The following ETS2 variants were observed in gnomAD, a reference collection of about 807,000 sequenced individuals.
ETS2 encodes the protein ETS proto-oncogene 2, transcription factor, also known as protein C-ets-2.
Under a neutral mutation model 54.9 loss-of-function variants are expected in ETS2, and 19 were observed. The observed-to-expected ratio is 0.35, with a 90% CI of 0.24 to 0.51. ETS2 has a LOEUF of 0.51. ETS2 is among the 20% of genes least tolerant of loss of function. The pLI, the probability that ETS2 is intolerant of heterozygous loss-of-function variation, is 0.97. For missense variants in ETS2, 417 were observed against 593.0 expected (o/e 0.70, Z 3.08); for synonymous variants, 219 against 229.3 (o/e 0.95, Z 0.41).
At position 38,806,333 on chromosome 21, in the gene ETS2, G is replaced by A; in HGVS notation, c.-1+213G>A. ...TTTTCCGGTTATGGAGTGGCCTCCG[G>A]GGCTGGCGGGGTCGGCCGGGGGGTT... On this transcript the variant is annotated intron_variant, in intron 1 of 9. Transcript: ENST00000360938. This position sits in a 1 kb window ranked among gnomAD's most constrained non-coding sequence, Gnocchi z 4.3. 2 of 968,242 alleles carry A rather than the reference G, an allele frequency of 2.1e-6. No individual in the cohort carries two copies. Among genetic ancestry groups the A allele is most frequent in the Non-Finnish European group, 2.5e-6 (2 of 814,246 alleles). 60.0% of individuals were successfully genotyped at this position (968,242 alleles called of 1,614,324 possible). A position where few individuals can be genotyped will look rare whatever the true frequency, so the allele number is the denominator to read the frequency against.
chr21:38,815,767 C>T (rs531446022), intron 5 of ETS2, among the ~76,000 whole-genome samples: 24 of 151,000 alleles, frequency 1.6e-4, no homozygotes, highest in African/African-American at 5.4e-4. Context: ...CCTGTCTCTA[C>T]TAAAAATACA....
In ETS2 at chr21:38,813,119, T is replaced by C. The variant is rs747092089; in HGVS notation, c.184+5T>C. On this transcript the variant is annotated splice_donor_5th_base_variant and intron_variant, in intron 3 of 9. Transcript: ENST00000360938. ...GCTTGGATTCCATTTCTCATGGTAA[T>C]TGGTTCCTCAGACTTGACAAATTGT... The C allele has an allele frequency of 3.8e-6, 6 of 1,576,224 alleles. No individual in the cohort carries two copies. Among genetic ancestry groups the C allele is most frequent in the Non-Finnish European group, 5.2e-6 (6 of 1,145,378 alleles).
intron 2 of ETS2, among the ~76,000 whole-genome samples, chr21:38,811,827 T>C (rs2060915000): frequency 6.6e-6 from 1 of 152,208 alleles, no homozygotes; most frequent in Non-Finnish European, 1.5e-5. Context: ...GATTTGGGTT[T>C]TTTTTGTTTT....
chr21:38,808,963 C>G (rs966386252), intron 1 of ETS2, among the ~76,000 whole-genome samples: 2 of 152,134 alleles, frequency 1.3e-5, no homozygotes, highest in African/African-American at 4.8e-5. Context: ...TTTAGTTACT[C>G]TATTATCTAA....
rs2060938091 is a variant in ETS2, at chr21:38,817,027, A to C, written c.525A>C (p.Glu175Asp). The change falls in exon 6 of 10, where the codon GAA becomes GAC. Residue 175 changes from glutamate to aspartate, a missense_variant. Around this residue, in one of 3 missense-constraint regions of ETS2, gnomAD observed 326 missense variants for 426.1 expected, o/e 0.76. Coordinates refer to ENST00000360938, the MANE Select transcript of ETS2 (RefSeq NM_005239.6). ...TTTCAGAAAACCAAGAAAAGACAGA[A>C]GATCAATATGAAGAAAATTCACACC... ...QMIKENQEKTEDQYEENSHLT... is the reference protein window; with the variant it reads ...QMIKENQEKTDDQYEENSHLT... 2 of 1,611,668 alleles carry C rather than the reference A, an allele frequency of 1.2e-6. No homozygotes were observed. The highest frequency in any genetic ancestry group is 1.7e-6 in the Non-Finnish European group (2 of 1,177,910).
At position 38,808,436 on chromosome 21, in the gene ETS2, CT is replaced by C. The variant is rs760268904; in HGVS notation, c.1-1598del. On this transcript the variant is annotated intron_variant, in intron 1 of 9. Transcript: ENST00000360938. ...CACTTTGGACCCAAGACTGCTGCCC[CT>C]CTCTGTCCTCTCATAGGACTATTAT... Among the ~76,000 whole-genome samples, 47 of 152,334 alleles carry C rather than the reference CT, an allele frequency of 3.1e-4. 1 individual carries two copies. The highest frequency in any genetic ancestry group is 6.2e-4 in the Non-Finnish European group (42 of 68,044).
chr21:38,819,488 G>T lies in ETS2; in HGVS notation c.812-15G>T, dbSNP rs780350957. The T allele has an allele frequency of 1.9e-6, 3 of 1,612,944 alleles. 1 individual carries two copies. The South Asian group carries it at 3.3e-5, about 18-fold the overall frequency. On this transcript the variant is annotated splice_polypyrimidine_tract_variant and intron_variant, in intron 7 of 9. Coordinates refer to ENST00000360938, the MANE Select transcript of ETS2 (RefSeq NM_005239.6). ...CCTGGAGGAATCAAAGTATGTGTTT[G>T]GTTGTCTTTGCCAGGGACTCCCAAA...
chr21:38,815,550 C>A (rs2060929727), intron 5 of ETS2, among the ~76,000 whole-genome samples: 1 of 151,972 alleles, frequency 6.6e-6, no homozygotes, highest in Non-Finnish European at 1.5e-5. Flanking sequence ...GGCCATTGAT[C>A]AGTAGAAATC....
intron 5 of ETS2, among the ~76,000 whole-genome samples, chr21:38,816,553 C>G (rs187801814): frequency 6.6e-6 from 1 of 152,312 alleles, no homozygotes; most frequent in East Asian, 1.9e-4. Context: ...CCATCCCAGA[C>G]TCCCACAGCC....
chr21:38,815,301 T>C (rs543206332), intron 5 of ETS2, among the ~76,000 whole-genome samples: 1 of 152,222 alleles, frequency 6.6e-6, no homozygotes, highest in South Asian at 2.1e-4. Flanking sequence ...GACTCAGATA[T>C]GTAGGACAGC....
upstream of ETS2, chr21:38,805,574 C>A (rs558207037): frequency 1.6e-6 from 2 of 1,277,960 alleles, no homozygotes; most frequent in Non-Finnish European, 1.0e-6. This position sits in a 1 kb window ranked among gnomAD's most constrained non-coding sequence, Gnocchi z 5.2. Flanking sequence ...CAGGGCCAGC[C>A]GGCGAGGGAC....
At chr21:38,813,742 G>A (rs367961435) in intron 3 of ETS2, among the ~76,000 whole-genome samples, 29 of 152,322 alleles carry the variant, frequency 1.9e-4, no homozygotes, top group African/African-American at 5.5e-4. Flanking sequence ...ATACACTGGC[G>A]TAAGCATAAC....
At position 38,813,028 on chromosome 21, in the gene ETS2, A is replaced by G. The variant is rs2060919797; in HGVS notation, c.98A>G (p.Asp33Gly). ...CGCCAGCCAGCCTTTGACACCTTTG[A>G]TGGGTCCCTGTTTGCTGTTTTTCCT... ...LKRQPAFDTF[D>G]GSLFAVFPSL... Residue 33 changes from aspartate (D) to glycine (G), a missense_variant, in exon 3 of 10, where the codon GAT becomes GGT. Transcript: ENST00000360938. 1.9e-6 allele frequency: 3 copies of G among 1,613,762 alleles called. No homozygotes were observed. The highest frequency in any genetic ancestry group is 2.5e-6 in the Non-Finnish European group (3 of 1,179,850).
At position 38,814,294 on chromosome 21, in the gene ETS2, C is replaced by T. The variant is rs756017903; in HGVS notation, c.206C>T (p.Pro69Leu). The T allele has an allele frequency of 3.1e-6, 5 of 1,613,948 alleles. No homozygotes were observed. The Admixed American group carries it at 6.7e-5, about 22-fold the overall frequency. ...ISHDSANCEL[P>L]LLTPCSKAVM... ...CCAGACTCCGCCAACTGTGAATTGC[C>T]TTTGTTAACCCCGTGCAGCAAGGCT... is the stretch of plus-strand genomic sequence containing the variant. The change falls in exon 4 of 10, where the codon CCT becomes CTT. Residue 69 changes from proline to leucine, a missense_variant. Pro to Leu is a moderately conservative substitution (Grantham distance 98). Transcript: ENST00000360938. The surrounding 1 kb of genome is among the most constrained non-coding windows in gnomAD (Gnocchi z 4.2).
chr21:38,812,232 G>A (rs1355491440), intron 2 of ETS2, among the ~76,000 whole-genome samples: 6 of 152,102 alleles, frequency 3.9e-5, no homozygotes, highest in Admixed American at 6.5e-5. Context: ...AGTGTTTATC[G>A]GGTCATTTGC....
chr21:38,809,228 G>A (rs1228036360), intron 1 of ETS2, among the ~76,000 whole-genome samples: 1 of 152,168 alleles, frequency 6.6e-6, no homozygotes, highest in Non-Finnish European at 1.5e-5. Context: ...GTGTGTATGT[G>A]TGGATTTGTA....
In ETS2 at chr21:38,821,632, A is replaced by T; in HGVS notation, c.1122A>T (p.Ser374=). The T allele has an allele frequency of 6.2e-7, 1 of 1,614,226 alleles. No homozygotes were observed. The highest frequency in any genetic ancestry group is 8.5e-7 in the Non-Finnish European group (1 of 1,180,036). The stretch of plus-strand genomic sequence containing the variant: ...GGCAGTTTCTCCTGGAGCTGCTATC[A>T]GACAAATCCTGCCAGTCATTCATCA... ...QLWQFLLELL[S]DKSCQSFISW... Residue 374 remains serine (S), a synonymous_variant, in exon 9 of 10, where the codon TCA becomes TCT. Transcript: ENST00000360938. The surrounding 1 kb of genome is among the most constrained non-coding windows in gnomAD (Gnocchi z 4.2).
At position 38,806,194 on chromosome 21, in the gene ETS2, G is replaced by T; in HGVS notation, c.-1+74G>T. On this transcript the variant is annotated intron_variant, in intron 1 of 9. Coordinates refer to ENST00000360938, the MANE Select transcript of ETS2 (RefSeq NM_005239.6). This position sits in a 1 kb window ranked among gnomAD's most constrained non-coding sequence, Gnocchi z 4.3. ...TGGAGGGTCACCCGGGGCCTGGGCG[G>T]GGGTCGCGGGGGGCACTGACACGCA... The T allele has an allele frequency of 1.0e-6, 1 of 994,264 alleles. No individual in the cohort carries two copies. The highest frequency in any genetic ancestry group is 4.4e-5 in the South Asian group (1 of 22,670). 61.6% of individuals were successfully genotyped at this position (994,264 alleles called of 1,614,324 possible).
Position 38,814,211 on chromosome 21 carries a change from A to G in ETS2, c.185-62A>G, listed in dbSNP as rs192136923. The G allele has an allele frequency of 1.4e-5, 22 of 1,550,910 alleles. No individual in the cohort carries two copies. The African/African-American group carries it at 2.7e-4, about 19-fold the overall frequency. On this transcript the variant is annotated intron_variant, in intron 3 of 9. Coordinates refer to ENST00000360938, the MANE Select transcript of ETS2 (RefSeq NM_005239.6). The surrounding 1 kb of genome is among the most constrained non-coding windows in gnomAD (Gnocchi z 4.2). Reference sequence around the variant, plus strand: ...TTCCAAAAACTAAGATGTCTCTCCTAAATCTCCACCTGATATCACCAACTT... The same window carrying G: ...TTCCAAAAACTAAGATGTCTCTCCTGAATCTCCACCTGATATCACCAACTT...
Sources: allele counts gnomAD v4.1 joint callset (sites outside exome capture counted in the v4.1 genomes callset), GRCh38; gene constraint gnomAD v4.1.1; regional missense constraint gnomAD v4.1.1; non-coding constraint Gnocchi (gnomAD v3.1); transcripts MANE v1.5; gene names NCBI Gene and HGNC (gene_info 2026-07-23, HGNC 2026-07-21).